CEP72: variants seen among roughly 807,000 people sequenced by gnomAD.
CEP72 encodes the protein centrosomal protein 72, also known as centrosomal protein of 72 kDa.
CEP72 carries 78 observed loss-of-function variants against 65.7 expected under a neutral mutation model. That is an observed-to-expected ratio of 1.19 (90% confidence interval 0.99 to 1.43). The LOEUF is 1.43. Among genes scored for constraint, CEP72 ranks in the 40% most tolerant of loss-of-function variants. The probability of loss-of-function intolerance (pLI) is 0.00; values close to 1 mark genes in which losing one functional copy is unlikely to be tolerated. For missense variants in CEP72, 914 were observed against 832.9 expected, an observed-to-expected ratio of 1.10 and a Z score of -1.20; for synonymous variants, 358 against 351.7, an observed-to-expected ratio of 1.02 and a Z score of -0.20.
rs867446787 is a variant in CEP72, at chr5:650,348, G to A, written c.1778+2432G>A. Among the ~76,000 whole-genome samples, 782 of 99,814 alleles carry A rather than the reference G, an allele frequency of 7.8e-3. 8 individuals are homozygous for A. Among genetic ancestry groups the A allele is most frequent in the East Asian group, 0.018 (46 of 2,490 alleles). 65.5% of individuals were successfully genotyped at this position (99,814 alleles called of 152,430 possible). A position where few individuals can be genotyped will look rare whatever the true frequency, so the allele number is the denominator to read the frequency against. ...GGACTGTGAGGTGTGACTGTGAGGC[G>A]TGGACTGTGAGGTGTGACTGTGAGG... On this transcript the variant is annotated intron_variant, in intron 11 of 11. Transcript: ENST00000264935.
At chr5:654,280 CTG>C (rs72464229), downstream of CEP72, among the ~76,000 whole-genome samples, 189 of 145,194 alleles carry the variant, frequency 1.3e-3, no homozygotes, top group Admixed American at 2.7e-3. Flanking sequence ...TGTGCGCTTG[CTG>C]TGTGTGTGTG....
intron 5 of CEP72, 124 bp from the exon 6 acceptor site, chr5:635,248 G>C (rs534347084): frequency 6.4e-5 from 45 of 702,760 alleles, no homozygotes; most frequent in African/African-American, 5.9e-4. Flanking sequence ...GTGTCACCCA[G>C]CACGTGATTA....
chr5:650,745 G>T (rs867358520), intron 11 of CEP72, among the ~76,000 whole-genome samples: 600 of 3,504 alleles, frequency 0.17, no homozygotes, highest in Non-Finnish European at 0.19. Flanking sequence ...GACTGTGAGG[G>T]GTGACTGTGA....
the CEP72 span, among the ~76,000 whole-genome samples, chr5:672,855 G>A: frequency 1.4e-4 from 22 of 152,230 alleles, no homozygotes; most frequent in Non-Finnish European, 2.9e-4. Context: ...AAAACCTGGC[G>A]TAAGGCTGCA....
the CEP72 span, among the ~76,000 whole-genome samples, chr5:675,136 G>C: frequency 2.0e-5 from 2 of 99,164 alleles, no homozygotes; most frequent in Admixed American, 2.1e-4. Context: ...GTGGCCAGGG[G>C]TGCAGTGTGG....
At chr5:614,444 ATTTT>A (rs11350475) in intron 1 of CEP72, among the ~76,000 whole-genome samples, 3 of 93,802 alleles carry the variant, frequency 3.2e-5, no homozygotes, top group Non-Finnish European at 4.2e-5. Flanking sequence ...TGACCTGTGA[ATTTT>A]TTTTTTTTTT....
chr5:675,344 GGTGCAGTGTGGGGGT>G, the CEP72 span, among the ~76,000 whole-genome samples: 3 of 106,558 alleles, frequency 2.8e-5, no homozygotes, highest in Non-Finnish European at 5.8e-5. Context: ...TGTGGCTGGG[GGTGCAGTGTGGGGGT>G]GTGCAGTGTG....
chr5:626,361 A>G (rs192863586), intron 4 of CEP72, among the ~76,000 whole-genome samples: 8 of 152,272 alleles, frequency 5.3e-5, no homozygotes, highest in African/African-American at 1.4e-4. Flanking sequence ...CCTGCTGGCC[A>G]TGGATGATAG....
chr5:676,209 A>C, the CEP72 span: 3 of 152,340 alleles, frequency 2.0e-5, no homozygotes, highest in East Asian at 5.8e-4. Context: ...CCTCGGATGC[A>C]CTCAGATGCG....
chr5:633,722 C>T (rs767852783), intron 4 of CEP72, 47 bp from the exon 5 acceptor site: 2 of 1,576,220 alleles, frequency 1.3e-6, no homozygotes, highest in Admixed American at 1.7e-5. Flanking sequence ...TGGGCCGGAG[C>T]ATATGGCTGG....
At chr5:665,182 C>T in exon 3 of CEP72, 1 of 1,613,788 alleles carries the variant, frequency 6.2e-7, no homozygotes, top group Non-Finnish European at 8.5e-7. Flanking sequence ...TCCACCAGAT[C>T]CACGCGGCCA....
Position 620,194 on chromosome 5 carries a change from C to T in CEP72, c.336C>T (p.Pro112=), listed in dbSNP as rs375079378. ...ELVDVDFRLN[P]VVKVEPDYRL... ...TGGATGTGGACTTCCGGCTGAACCC[C>T]GTGGTGAAGGTTGAGCCTGACTACC... is the stretch of plus-strand genomic sequence containing the variant. The change falls in exon 3 of 12, where the codon CCC becomes CCT. Residue 112 remains proline, a synonymous_variant. Coordinates refer to ENST00000264935, the MANE Select transcript of CEP72 (RefSeq NM_018140.4). 590 of 1,614,036 alleles carry T rather than the reference C, an allele frequency of 3.7e-4. 2 individuals are homozygous for T. Among genetic ancestry groups the T allele is most frequent in the Non-Finnish European group, 4.6e-4 (541 of 1,180,032 alleles).
At chr5:633,710 C>G in intron 4 of CEP72, 59 bp from the exon 5 acceptor site, 6 of 1,522,920 alleles carry the variant, frequency 3.9e-6, no homozygotes, top group Non-Finnish European at 3.6e-6. Context: ...TCCTGGTCTG[C>G]GTGGGCCGGA....
At chr5:665,231 C>T (rs752731826) in exon 3 of CEP72, 3 of 1,613,914 alleles carry the variant, frequency 1.9e-6, no homozygotes, top group Admixed American at 3.3e-5. Flanking sequence ...CGAAGCGCTC[C>T]TTGTGGGAGC....
Position 639,147 on chromosome 5 carries a change from T to C in CEP72, c.1265T>C (p.Leu422Pro), listed in dbSNP as rs768074056. Residue 422 changes from leucine (L) to proline (P), a missense_variant, in exon 8 of 12, where the codon CTC becomes CCC. Transcript: ENST00000264935. ...PGKKTALQAALLETLLDLVDR... is the reference protein window; with the variant it reads ...PGKKTALQAAPLETLLDLVDR... Reference sequence around the variant, plus strand: ...AAGAAGACGGCCCTGCAGGCGGCGCTCCTGGAGACGCTCTTGGACCTGGTG... The same window carrying C: ...AAGAAGACGGCCCTGCAGGCGGCGCCCCTGGAGACGCTCTTGGACCTGGTG... The C allele has an allele frequency of 1.2e-6, 2 of 1,612,876 alleles. No homozygotes were observed. The highest frequency in any genetic ancestry group is 3.3e-5 in the Admixed American group (2 of 59,978).
At chr5:633,976 TG>T (rs1243676876) in intron 5 of CEP72, 29 bp downstream of exon 5, 10 of 1,600,782 alleles carry the variant, frequency 6.2e-6, no homozygotes, top group Non-Finnish European at 8.5e-6. Flanking sequence ...AGGAGGCCAG[TG>T]GGTCCGCTGG....
intron 9 of CEP72, chr5:640,943 G>A (rs1230419443): frequency 2.2e-5 from 22 of 985,374 alleles, no homozygotes; most frequent in Non-Finnish European, 2.5e-5. Flanking sequence ...TCGAACTGGG[G>A]AAAACCGAGG....
At chr5:658,859 A>G (rs537417515), downstream of CEP72, among the ~76,000 whole-genome samples, 45 of 151,928 alleles carry the variant, frequency 3.0e-4, no homozygotes, top group Non-Finnish European at 5.0e-4. Flanking sequence ...TAGCAGAGAC[A>G]GGGTTTCACT....
chr5:671,590 G>A (rs1740226632), downstream of CEP72, among the ~76,000 whole-genome samples: 1 of 152,224 alleles, frequency 6.6e-6, no homozygotes, highest in Non-Finnish European at 1.5e-5. Context: ...TCGCCGCACA[G>A]TGCTCTGGGG....
Sources: gnomAD v4.1 joint callset for allele counts (sites outside exome capture counted in the v4.1 genomes callset) on GRCh38, gnomAD v4.1.1 for gene constraint, MANE v1.5 for transcripts, NCBI Gene and HGNC (gene_info 2026-07-23, HGNC 2026-07-21) for gene names.